Variants in DCDC1 observed in about 807,000 individuals in gnomAD.
The protein encoded by DCDC1 is doublecortin domain-containing protein 1.
In DCDC1, 200 loss-of-function variants were observed where a neutral mutation model predicts 178.3. The ratio of observed to expected loss-of-function variants is 1.12; its 90% confidence interval spans 1.00 to 1.26. The LOEUF is 1.26. DCDC1 is among the 50% of genes most tolerant of loss of function. DCDC1 has a pLI of 0.00. For missense variants in DCDC1, 1,983 were observed against 1,749.2 expected, an observed-to-expected ratio of 1.13 and a Z score of -2.38; for synonymous variants, 690 against 604.8, an observed-to-expected ratio of 1.14 and a Z score of -2.07.
At chr11:30,919,579 G>A (rs887943377) in intron 25 of DCDC1, among the ~76,000 whole-genome samples, 3 of 152,162 alleles carry the variant, frequency 2.0e-5, no homozygotes, top group African/African-American at 7.2e-5. Flanking sequence ...GTGAAAGTTC[G>A]TGGTCAATTC....
intron 8 of DCDC1, among the ~76,000 whole-genome samples, chr11:31,264,736 A>G (rs1420843801): frequency 6.6e-6 from 1 of 152,174 alleles, no homozygotes; most frequent in Non-Finnish European, 1.5e-5. Flanking sequence ...CTATTGTCAA[A>G]TTAATTCCTA....
At position 31,287,441 on chromosome 11, in the gene DCDC1, C is replaced by T. The variant is rs148990680; in HGVS notation, c.960+3206G>A. On this transcript the variant is annotated intron_variant, in intron 7 of 38. Transcript: ENST00000684477. Reference sequence around the variant, plus strand: ...AAAAGGATATTGTCAGAAATATATACAGTTTAACAAAACATCTCAAAAGAA... The same window carrying T: ...AAAAGGATATTGTCAGAAATATATATAGTTTAACAAAACATCTCAAAAGAA... 9.3e-4 allele frequency among the ~76,000 whole-genome samples: 142 copies of T among 151,958 alleles called. 1 individual carries two copies. The highest frequency in any genetic ancestry group is 3.2e-3 in the African/African-American group (133 of 41,494).
At chr11:30,881,100 G>A (rs1389444207) in intron 37 of DCDC1, 58 bp downstream of exon 37, 3 of 1,584,450 alleles carry the variant, frequency 1.9e-6, no homozygotes, top group Non-Finnish European at 2.6e-6. Context: ...TCTTCCAAGA[G>A]AAGATTGAAT....
At chr11:30,880,334 C>T (rs893960763) in intron 37 of DCDC1, among the ~76,000 whole-genome samples, 3 of 152,124 alleles carry the variant, frequency 2.0e-5, no homozygotes, top group Admixed American at 6.6e-5. Flanking sequence ...TAATAAATCC[C>T]GTCTCCCTAC....
At chr11:31,192,176 T>G (rs1322701017) in intron 9 of DCDC1, among the ~76,000 whole-genome samples, 3 of 152,188 alleles carry the variant, frequency 2.0e-5, no homozygotes, top group South Asian at 2.1e-4. Context: ...CAGCACTCAC[T>G]TGGATTATTG....
intron 27 of DCDC1, among the ~76,000 whole-genome samples, chr11:30,914,043 T>C (rs960086300): frequency 1.3e-5 from 2 of 152,220 alleles, no homozygotes; most frequent in African/African-American, 4.8e-5. Flanking sequence ...TTTTTATCTG[T>C]TTTGTTCTTT....
rs1954211572 is a variant in DCDC1, at chr11:31,038,258, A to AT, written c.2591+26210dup. Reference sequence around the variant, plus strand: ...ACACACACATAAAAACTTGAAAAAAATGAATTTAAGTGCACATATCAGAAC... The same window carrying AT: ...ACACACACATAAAAACTTGAAAAAAATTGAATTTAAGTGCACATATCAGAAC... On this transcript the variant is annotated intron_variant, in intron 20 of 38. Coordinates refer to ENST00000684477, the MANE Select transcript of DCDC1 (RefSeq NM_001387274.1). Among the ~76,000 whole-genome samples the AT allele has an allele frequency of 5.3e-5, 8 of 152,272 alleles. No homozygotes were observed. In the South Asian group the frequency reaches 1.7e-3, roughly 32 times the overall value.
chr11:31,019,414 T>C (rs1952714530), intron 20 of DCDC1, among the ~76,000 whole-genome samples: 1 of 152,104 alleles, frequency 6.6e-6, no homozygotes, highest in African/African-American at 2.4e-5. Flanking sequence ...TATTATATGT[T>C]TGTAGAGTGA....
At chr11:31,131,899 G>A (rs1962491334) in intron 10 of DCDC1, among the ~76,000 whole-genome samples, 1 of 152,160 alleles carries the variant, frequency 6.6e-6, no homozygotes, top group East Asian at 1.9e-4. Context: ...TACATGACTG[G>A]TTTTACTGTC....
chr11:30,996,875 C>T (rs995358602), intron 20 of DCDC1, among the ~76,000 whole-genome samples: 4 of 152,170 alleles, frequency 2.6e-5, no homozygotes, highest in Non-Finnish European at 5.9e-5. Context: ...ATTTTGTTCG[C>T]ATAAAAACGT....
At chr11:31,045,395 C>CTTT (rs10680628) in intron 20 of DCDC1, among the ~76,000 whole-genome samples, 13 of 143,440 alleles carry the variant, frequency 9.1e-5, no homozygotes, top group African/African-American at 3.3e-4. Context: ...TTTCTTTTTC[C>CTTT]TTTTTTTTTT....
At chr11:31,164,213 T>G (rs111458884) in intron 9 of DCDC1, among the ~76,000 whole-genome samples, 2,779 of 152,096 alleles carry the variant, frequency 0.018, 42 homozygotes, top group Non-Finnish European at 0.028. Flanking sequence ...ACAGAACACA[T>G]GTAAAATGGT....
In DCDC1 at chr11:31,180,938, G is replaced by A. The variant is rs371891613; in HGVS notation, c.1222-43154C>T. On this transcript the variant is annotated intron_variant, in intron 9 of 38. Transcript: ENST00000684477. Reference sequence around the variant, plus strand: ...CTAGCTCAGCAGATCCCACCGCCACGGAGCCCAGCAAGCTAAGATCCACTG... The same window carrying A: ...CTAGCTCAGCAGATCCCACCGCCACAGAGCCCAGCAAGCTAAGATCCACTG... 7.2e-5 allele frequency among the ~76,000 whole-genome samples: 11 copies of A among 152,000 alleles called. No individual in the cohort carries two copies. The East Asian group carries it at 7.8e-4, about 11-fold the overall frequency.
chr11:31,185,819 T>A (rs1253575266), intron 9 of DCDC1, among the ~76,000 whole-genome samples: 1 of 152,166 alleles, frequency 6.6e-6, no homozygotes, highest in Admixed American at 6.5e-5. Flanking sequence ...AGGAACAGCT[T>A]AGAACTTTAA....
intron 9 of DCDC1, among the ~76,000 whole-genome samples, chr11:31,155,063 T>G (rs1398929125): frequency 1.3e-5 from 2 of 152,232 alleles, no homozygotes; most frequent in Non-Finnish European, 2.9e-5. Flanking sequence ...GAACCCAATT[T>G]GGATTCCAAA....
At chr11:31,126,536 G>C (rs1394963583) in intron 11 of DCDC1, among the ~76,000 whole-genome samples, 2 of 152,168 alleles carry the variant, frequency 1.3e-5, no homozygotes, top group African/African-American at 4.8e-5. Flanking sequence ...TGTTTCTAAT[G>C]TTACTTGCAG....
At chr11:31,356,612 C>T (rs1368616240) in intron 1 of DCDC1, among the ~76,000 whole-genome samples, 5 of 150,450 alleles carry the variant, frequency 3.3e-5, no homozygotes, top group African/African-American at 1.2e-4. Flanking sequence ...GAAATAGAGA[C>T]ACAAAAAACC....
At chr11:31,291,418 AAC>A (rs1947220072) in intron 6 of DCDC1, among the ~76,000 whole-genome samples, 1 of 152,084 alleles carries the variant, frequency 6.6e-6, no homozygotes, top group South Asian at 2.1e-4. Context: ...GAAAATGAAA[AAC>A]AGTTTTTCAT....
intron 20 of DCDC1, among the ~76,000 whole-genome samples, chr11:31,003,109 CTAGATTTCCATATA>C (rs1238909751): frequency 3.4e-5 from 5 of 149,124 alleles, no homozygotes; most frequent in East Asian, 3.9e-4. Flanking sequence ...TATATATAAT[CTAGATTTCCATATA>C]TAGATTTCCA....
Sources: gnomAD v4.1 joint callset for allele counts (sites outside exome capture counted in the v4.1 genomes callset) on GRCh38, gnomAD v4.1.1 for gene constraint, MANE v1.5 for transcripts, NCBI Gene and HGNC (gene_info 2026-07-23, HGNC 2026-07-21) for gene names.